The following NIM1K variants were observed in gnomAD, a reference collection of about 807,000 sequenced individuals.
NIM1K encodes the protein NIM1 serine/threonine protein kinase, also known as serine/threonine-protein kinase NIM1.
Under a neutral mutation model 37.1 loss-of-function variants are expected in NIM1K, and 35 were observed. That is an observed-to-expected ratio of 0.94 (90% CI 0.72 to 1.25). The LOEUF is 1.25. Among genes scored for constraint, NIM1K ranks in the 50% most tolerant of loss-of-function variants. The pLI, the probability that NIM1K is intolerant of heterozygous loss-of-function variation, is 0.00. For synonymous variants in NIM1K, 234 were observed against 206.6 expected (o/e 1.13, Z -1.14); for missense variants, 564 against 548.0 (o/e 1.03, Z -0.29).
At chr5:43,266,245 T>A (rs1259721621) in intron 2 of NIM1K, among the ~76,000 whole-genome samples, 1 of 152,228 alleles carries the variant, frequency 6.6e-6, no homozygotes, top group Non-Finnish European at 1.5e-5. Flanking sequence ...CAGGCTGGCC[T>A]CCTTGAGCTG....
chr5:43,208,064 C>T (rs1752143503), intron 1 of NIM1K, among the ~76,000 whole-genome samples: 1 of 152,160 alleles, frequency 6.6e-6, no homozygotes, highest in Admixed American at 6.5e-5. Flanking sequence ...CTGACCCCCC[C>T]TGGAATGTGA....
At chr5:43,255,488 C>G (rs532711002) in intron 2 of NIM1K, among the ~76,000 whole-genome samples, 1 of 152,212 alleles carries the variant, frequency 6.6e-6, no homozygotes, top group Middle Eastern at 3.4e-3. Context: ...CGGTCGGTCA[C>G]GCCTGTAATC....
At chr5:43,231,316 A>T (rs1752534744) in intron 1 of NIM1K, among the ~76,000 whole-genome samples, 1 of 152,184 alleles carries the variant, frequency 6.6e-6, no homozygotes, top group African/African-American at 2.4e-5. Context: ...AACTCTAGTT[A>T]TCTCTTCCTC....
intron 1 of NIM1K, among the ~76,000 whole-genome samples, chr5:43,222,555 C>T (rs1036875744): frequency 6.6e-6 from 1 of 151,704 alleles, no homozygotes; most frequent in Non-Finnish European, 1.5e-5. Context: ...ACAGAGGGAC[C>T]CCATCTATAC....
Position 43,228,818 on chromosome 5 carries a change from G to A in NIM1K, c.-694-16264G>A, listed in dbSNP as rs562807712. Among the ~76,000 whole-genome samples, 22 of 151,980 alleles carry A rather than the reference G, an allele frequency of 1.4e-4. No homozygotes were observed. The South Asian group carries it at 4.6e-3, about 32-fold the overall frequency. ...TGTACTCCAGCCTGGGTGACAGAAT[G>A]AGACCGTGTCTCAAAAACAATTAAT... On this transcript the variant is annotated intron_variant, in intron 1 of 3. Transcript: ENST00000326035.
chr5:43,233,053 G>A lies in NIM1K; in HGVS notation c.-694-12029G>A. On this transcript the variant is annotated intron_variant, in intron 1 of 3. Transcript: ENST00000326035. Reference sequence around the variant, plus strand: ...GAAGGAGTCATCTCCTCCCCGAGTGGTCTTGTCACTTGGCATCTGGCCATT... The same window carrying A: ...GAAGGAGTCATCTCCTCCCCGAGTGATCTTGTCACTTGGCATCTGGCCATT... 3.0e-5 allele frequency: 39 copies of A among 1,312,446 alleles called. No individual in the cohort carries two copies. The South Asian group carries it at 4.6e-4, about 15-fold the overall frequency. 81.3% of individuals were successfully genotyped at this position (1,312,446 alleles called of 1,614,324 possible).
intron 1 of NIM1K, among the ~76,000 whole-genome samples, chr5:43,219,550 A>G (rs923648497): frequency 2.6e-5 from 4 of 152,002 alleles, no homozygotes; most frequent in African/African-American, 9.7e-5. Context: ...CTGGGGATCA[A>G]ATTTCAACAT....
intron 2 of NIM1K, among the ~76,000 whole-genome samples, chr5:43,272,997 C>T (rs556071190): frequency 2.0e-4 from 31 of 152,202 alleles, no homozygotes; most frequent in African/African-American, 6.3e-4. Context: ...GAATGTGTTG[C>T]CCGCTAGGTG....
At chr5:43,233,047 C>G in intron 1 of NIM1K, 1 of 1,297,598 alleles carries the variant, frequency 7.7e-7, no homozygotes, top group Admixed American at 1.7e-5. Context: ...ATCTCCTCCC[C>G]GAGTGGTCTT....
intron 2 of NIM1K, among the ~76,000 whole-genome samples, chr5:43,259,210 A>G (rs1025475574): frequency 7.2e-5 from 11 of 152,230 alleles, no homozygotes; most frequent in African/African-American, 2.7e-4. Context: ...TTGTGCTGCC[A>G]TAAACATGCA....
chr5:43,280,220 A>G lies in NIM1K; in HGVS notation c.802A>G (p.Thr268Ala), dbSNP rs1376792408. The change falls in exon 4 of 4, where the codon ACC (threonine) becomes GCC (alanine). Residue 268 changes from threonine (T) to alanine (A), a missense_variant. Physicochemically the swap from Thr to Ala is moderately conservative, Grantham distance 58. Transcript: ENST00000326035. The stretch of plus-strand genomic sequence containing the variant: ...GCTTTTGTACTTCATGGTGACTGGC[A>G]CCATGCCATTTCGGGCAGAAACCGT... ...GVLLYFMVTGTMPFRAETVAK... is the reference protein window; with the variant it reads ...GVLLYFMVTGAMPFRAETVAK... 3.1e-6 allele frequency: 5 copies of G among 1,614,146 alleles called. No homozygotes were observed. Among genetic ancestry groups the G allele is most frequent in the Non-Finnish European group, 3.4e-6 (4 of 1,180,020 alleles).
At chr5:43,205,076 C>T (rs1752089299) in intron 1 of NIM1K, among the ~76,000 whole-genome samples, 1 of 152,192 alleles carries the variant, frequency 6.6e-6, no homozygotes, top group Non-Finnish European at 1.5e-5. Context: ...CCTGCCTGCT[C>T]TTGCTACTGT....
intron 2 of NIM1K, 108 bp from the exon 3 acceptor site, chr5:43,276,949 G>T: frequency 9.0e-7 from 1 of 1,114,114 alleles, no homozygotes; most frequent in Non-Finnish European, 1.3e-6. Context: ...CTCAGCTTGG[G>T]AACAGCCACT....
At chr5:43,238,325 G>A (rs1046544029) in intron 1 of NIM1K, among the ~76,000 whole-genome samples, 2 of 151,902 alleles carry the variant, frequency 1.3e-5, no homozygotes, top group Non-Finnish European at 2.9e-5. Flanking sequence ...TTACAGGCGT[G>A]AGCCACTGCG....
intron 3 of NIM1K, among the ~76,000 whole-genome samples, chr5:43,279,277 A>G (rs996311605): frequency 6.6e-6 from 1 of 152,156 alleles, no homozygotes; most frequent in Non-Finnish European, 1.5e-5. Context: ...ACTGACATTC[A>G]CAGTACCCAG....
intron 1 of NIM1K, among the ~76,000 whole-genome samples, chr5:43,236,427 A>G (rs1410543226): frequency 1.3e-5 from 2 of 152,154 alleles, no homozygotes; most frequent in African/African-American, 4.8e-5. Context: ...ACCAGCCTGG[A>G]CAACGTAGTG....
At chr5:43,232,736 C>G in intron 1 of NIM1K, 2 of 1,228,334 alleles carry the variant, frequency 1.6e-6, no homozygotes, top group East Asian at 2.3e-5. Context: ...AACCCAGAAC[C>G]AATTCCTTCA....
intron 2 of NIM1K, among the ~76,000 whole-genome samples, chr5:43,255,264 G>A (rs1013347868): frequency 6.6e-5 from 10 of 152,190 alleles, no homozygotes; most frequent in Non-Finnish European, 1.0e-4. Flanking sequence ...GTTCTTCAGT[G>A]AGATTATTCA....
In NIM1K at chr5:43,198,195, CT is replaced by C. The variant is rs779079573; in HGVS notation, c.-695+5787del. On this transcript the variant is annotated intron_variant, in intron 1 of 3. Transcript: ENST00000326035. ...TCTTTCTTTCTTTCTTTCTTTCTTT[CT>C]TTCTTTCTTTCTCTTTCTTTCTTTC... 8.6e-4 allele frequency among the ~76,000 whole-genome samples: 46 copies of C among 53,548 alleles called. 1 individual carries two copies. The highest frequency in any genetic ancestry group is 3.3e-3 in the African/African-American group (45 of 13,620). 35.1% of individuals were successfully genotyped at this position (53,548 alleles called of 152,430 possible).
Sources: allele counts gnomAD v4.1 joint callset (sites outside exome capture counted in the v4.1 genomes callset), GRCh38; gene constraint gnomAD v4.1.1; transcripts MANE v1.5; gene names NCBI Gene and HGNC (gene_info 2026-07-23, HGNC 2026-07-21).